The following NPM2 variants were observed in gnomAD, a reference collection of about 807,000 sequenced individuals.
The protein encoded by NPM2 is nucleoplasmin-2.
A neutral mutation model predicts 32.0 loss-of-function variants in NPM2; 25 were observed. The ratio of observed to expected loss-of-function variants is 0.78; its 90% CI spans 0.57 to 1.09. The LOEUF (loss-of-function observed/expected upper bound fraction) is 1.09. NPM2 is among the 50% of genes least tolerant of loss of function. The pLI is 0.00. For missense variants in NPM2, 282 were observed against 259.9 expected (o/e 1.08, Z -0.58); for synonymous variants, 111 against 94.2 (o/e 1.18, Z -1.04).
chr8:22,024,971 G>T, intron 2 of NPM2, 141 bp downstream of exon 2: 1 of 469,152 alleles, frequency 2.1e-6, no homozygotes, highest in Non-Finnish European at 3.7e-6. Context: ...CCTGAGCTCG[G>T]TGGACAGCTC....
In NPM2 at chr8:22,025,222, G is replaced by A. The variant is rs181793769; in HGVS notation, c.-27G>A. 3.3e-3 allele frequency: 5,325 copies of A among 1,606,300 alleles called. 31 individuals are homozygous for A. The highest frequency in any genetic ancestry group is 0.016 in the South Asian group (1,422 of 89,878). On this transcript the variant is annotated 5_prime_UTR_variant, in exon 3 of 10. Transcript: ENST00000518119. The stretch of plus-strand genomic sequence containing the variant: ...GCGGGCGCCCTCCTTGCAGCTGCCC[G>A]GCCAGCCCGCTTCTCTGCCCGGAGC...
chr8:22,031,303 T>G (rs1203288655), intron 5 of NPM2, among the ~76,000 whole-genome samples: 1 of 152,120 alleles, frequency 6.6e-6, no homozygotes, highest in African/African-American at 2.4e-5. Flanking sequence ...GGCTTTTGAG[T>G]CTCTAATCCT....
At chr8:22,035,652 G>A (rs952046521) in intron 8 of NPM2, among the ~76,000 whole-genome samples, 3 of 152,160 alleles carry the variant, frequency 2.0e-5, no homozygotes, top group African/African-American at 7.2e-5. Flanking sequence ...AGTTTGACCA[G>A]GCCGGGTACG....
intron 7 of NPM2, 71 bp from the exon 8 acceptor site, chr8:22,034,439 G>A: frequency 6.9e-7 from 1 of 1,458,642 alleles, no homozygotes; most frequent in East Asian, 2.3e-5. Flanking sequence ...GGGACCTTGT[G>A]GACTTTGGGA....
intron 5 of NPM2, among the ~76,000 whole-genome samples, chr8:22,032,905 A>G (rs1800485714): frequency 6.6e-6 from 1 of 152,118 alleles, no homozygotes; most frequent in South Asian, 2.1e-4. Flanking sequence ...CATACTAATC[A>G]GATTCCTCTA....
chr8:22,029,999 T>C (rs1800384303), intron 5 of NPM2, among the ~76,000 whole-genome samples: 1 of 152,204 alleles, frequency 6.6e-6, no homozygotes, highest in Non-Finnish European at 1.5e-5. Context: ...CTTTGATCAA[T>C]TCTGGAAAAT....
At chr8:22,031,532 G>A (rs372619217) in intron 5 of NPM2, among the ~76,000 whole-genome samples, 4 of 152,188 alleles carry the variant, frequency 2.6e-5, no homozygotes, top group Non-Finnish European at 2.9e-5. Flanking sequence ...TGCAGCCTCC[G>A]CTTCCTGGGT....
At chr8:22,030,636 A>G (rs1800406374) in intron 5 of NPM2, among the ~76,000 whole-genome samples, 1 of 151,282 alleles carries the variant, frequency 6.6e-6, no homozygotes, top group African/African-American at 2.4e-5. Flanking sequence ...TTTTATATTT[A>G]CTTGGTTTTA....
At chr8:22,025,057 C>T in intron 2 of NPM2, 159 bp from the exon 3 acceptor site, 3 of 590,468 alleles carry the variant, frequency 5.1e-6, no homozygotes, top group Non-Finnish European at 5.8e-6. Flanking sequence ...GAGGTGGGTA[C>T]TCGTCCTCCA....
Position 22,036,530 on chromosome 8 carries a change from A to G in NPM2, c.600+4A>G. The G allele has an allele frequency of 1.3e-6, 2 of 1,598,928 alleles. No individual in the cohort carries two copies. Among genetic ancestry groups the G allele is most frequent in the Non-Finnish European group, 1.7e-6 (2 of 1,173,004 alleles). On this transcript the variant is annotated splice_donor_region_variant and intron_variant, in intron 9 of 9. Coordinates refer to ENST00000518119, the MANE Select transcript of NPM2 (RefSeq NM_001286680.2). Reference sequence around the variant, plus strand: ...AGACAAGAGCCCTGTGAAAAAGGTGAGTAGGACCAGAGGGCTTTGGCCCTT... The same window carrying G: ...AGACAAGAGCCCTGTGAAAAAGGTGGGTAGGACCAGAGGGCTTTGGCCCTT...
Position 22,025,446 on chromosome 8 carries a change from C to T in NPM2, c.69C>T (p.Leu23=), listed in dbSNP as rs1294765961. Residue 23 remains leucine, a synonymous_variant, in exon 4 of 10, where the codon CTC becomes CTT. Coordinates refer to ENST00000518119, the MANE Select transcript of NPM2 (RefSeq NM_001286680.2). ...CTTTCTCCTCCGCAGGCTGCGAGCT[C>T]AGTCAGGAGAGGCGGACTTGGACCT... The part of the protein sequence containing the change: ...AVTTVLWGCE[L]SQERRTWTFR... The T allele has an allele frequency of 6.2e-7, 1 of 1,614,074 alleles. No homozygotes were observed. The highest frequency in any genetic ancestry group is 8.5e-7 in the Non-Finnish European group (1 of 1,179,996).
At chr8:22,026,091 G>T (rs1800242165) in intron 5 of NPM2, among the ~76,000 whole-genome samples, 1 of 152,180 alleles carries the variant, frequency 6.6e-6, no homozygotes, top group Admixed American at 6.5e-5. Context: ...CATTACCCCT[G>T]AGCCCTGCCT....
In NPM2 at chr8:22,034,467, A is replaced by G. The variant is rs747407172; in HGVS notation, c.532-43A>G. The G allele has an allele frequency of 3.2e-6, 5 of 1,574,278 alleles. No individual in the cohort carries two copies. In the African/African-American group the frequency reaches 4.1e-5, roughly 13 times the overall value. On this transcript the variant is annotated intron_variant, in intron 7 of 9. Coordinates refer to ENST00000518119, the MANE Select transcript of NPM2 (RefSeq NM_001286680.2). ...CTTTGGGAATCTGTTCTGGCTCTGGACTTTGTCTGAACTCTCATAATACAC... is the reference window on the plus strand; with the variant it reads ...CTTTGGGAATCTGTTCTGGCTCTGGGCTTTGTCTGAACTCTCATAATACAC...
intron 8 of NPM2, among the ~76,000 whole-genome samples, chr8:22,034,949 A>G (rs1214278338): frequency 6.6e-6 from 1 of 152,126 alleles, no homozygotes; most frequent in Non-Finnish European, 1.5e-5. Context: ...CTCTACTAAA[A>G]ACACAAAAAT....
Position 22,033,234 on chromosome 8 carries a change from G to A in NPM2, c.364+11G>A. 6.2e-7 allele frequency: 1 copy of A among 1,610,760 alleles called. No homozygotes were observed. The highest frequency in any genetic ancestry group is 8.5e-7 in the Non-Finnish European group (1 of 1,176,986). On this transcript the variant is annotated intron_variant, in intron 6 of 9. Coordinates refer to ENST00000518119, the MANE Select transcript of NPM2 (RefSeq NM_001286680.2). ...GCCAGGAACGTTATGGTAAGTCAGA[G>A]CCTGCGATCAGGAAGGTCCGTGAGT... is the stretch of plus-strand genomic sequence containing the variant.
intron 6 of NPM2, among the ~76,000 whole-genome samples, chr8:22,033,839 C>G (rs1039348786): frequency 6.6e-6 from 1 of 152,178 alleles, no homozygotes; most frequent in Non-Finnish European, 1.5e-5. Flanking sequence ...CCCCTCCTAC[C>G]CAGCCAGAGC....
At chr8:22,033,532 G>A (rs1269586831) in intron 6 of NPM2, among the ~76,000 whole-genome samples, 3 of 152,190 alleles carry the variant, frequency 2.0e-5, no homozygotes, top group African/African-American at 7.2e-5. Flanking sequence ...CACTGTTCAG[G>A]ATGTGGCTGC....
intron 6 of NPM2, among the ~76,000 whole-genome samples, 157 bp from the exon 7 acceptor site, chr8:22,033,952 C>T (rs1490060477): frequency 1.3e-5 from 2 of 152,142 alleles, no homozygotes; most frequent in East Asian, 1.9e-4. Flanking sequence ...GAAAGGGTGC[C>T]GCCCTGTACA....
chr8:22,034,112 C>T lies in NPM2; in HGVS notation c.368C>T (p.Ala123Val). 1 of 1,591,332 alleles carries T rather than the reference C, an allele frequency of 6.3e-7. No homozygotes were observed. The highest frequency in any genetic ancestry group is 1.2e-5 in the South Asian group (1 of 85,486). ...VFLSGQERYE[A>V]SDLTWEEEEE... ...ATCCTTTCCCATGCTATTACAGAAG[C>T]ATCAGACCTAACCTGGGAGGAGGAG... is the stretch of plus-strand genomic sequence containing the variant. Residue 123 changes from alanine to valine, a missense_variant, in exon 7 of 10, where the codon GCA (alanine) becomes GTA (valine). Ala to Val is a moderately conservative substitution (Grantham distance 64). Coordinates refer to ENST00000518119, the MANE Select transcript of NPM2 (RefSeq NM_001286680.2).
Sources: allele counts gnomAD v4.1 joint callset (sites outside exome capture counted in the v4.1 genomes callset), GRCh38; gene constraint gnomAD v4.1.1; transcripts MANE v1.5; gene names NCBI Gene and HGNC (gene_info 2026-07-23, HGNC 2026-07-21).